The following NPM1 variants were observed in gnomAD, a reference collection of about 807,000 sequenced individuals.
The protein encoded by NPM1 is nucleophosmin 1, also known as nucleophosmin.
A neutral mutation model predicts 44.1 loss-of-function variants in NPM1; 1 was observed. The observed-to-expected ratio is 0.02, with a 90% CI of 0.01 to 0.11. The LOEUF (loss-of-function observed/expected upper bound fraction) is 0.11, where lower values mean the gene tolerates loss of function less well. Ranked by LOEUF, NPM1 falls within the 10% of genes least tolerant of loss-of-function variation. NPM1 has a pLI of 1.00. For missense variants in NPM1, 197 were observed against 347.8 expected, an observed-to-expected ratio of 0.57 and a Z score of 3.45; for synonymous variants, 126 against 111.8, an observed-to-expected ratio of 1.13 and a Z score of -0.80.
chr5:171,395,698 G>A (rs1328787166), intron 6 of NPM1, among the ~76,000 whole-genome samples: 4 of 152,204 alleles, frequency 2.6e-5, no homozygotes, highest in Non-Finnish European at 4.4e-5. Context: ...AGATGGCAAT[G>A]AAAATGCAAA....
Position 171,392,998 on chromosome 5 carries a change from C to G in NPM1, c.524+20C>G, listed in dbSNP as rs756702793. 1.2e-6 allele frequency: 2 copies of G among 1,603,132 alleles called. No individual in the cohort carries two copies. Among genetic ancestry groups the G allele is most frequent in the Non-Finnish European group, 1.7e-6 (2 of 1,172,400 alleles). On this transcript the variant is annotated intron_variant, in intron 6 of 10. Transcript: ENST00000296930. ...TGAAGAGTAAGTATGATTTTAGAAA[C>G]TTGATATACTTCCGGAATCTTGACA... is the stretch of plus-strand genomic sequence containing the variant.
intron 6 of NPM1, among the ~76,000 whole-genome samples, chr5:171,394,036 G>GTT (rs1214027227): frequency 9.7e-6 from 1 of 102,680 alleles, no homozygotes; most frequent in Non-Finnish European, 2.0e-5. Flanking sequence ...TGCTGTTTTT[G>GTT]TTTTCTTTTT....
rs1476856200 is a variant in NPM1, at chr5:171,392,978, A to G, written c.524A>G (p.Asp175Gly). 6.2e-7 allele frequency: 1 copy of G among 1,609,360 alleles called. No homozygotes were observed. Among genetic ancestry groups the G allele is most frequent in the Non-Finnish European group, 8.5e-7 (1 of 1,176,158 alleles). ...DDDDEEDDDE[D>G]DDDDDFDDEE... ...GATGATGAAGAGGATGATGATGAAG[A>G]GTAAGTATGATTTTAGAAACTTGAT... The change falls in exon 6 of 11, where the codon GAT becomes GGT. Residue 175 changes from aspartate to glycine, a missense_variant and splice_region_variant. Transcript: ENST00000296930.
Position 171,391,119 on chromosome 5 carries a change from G to C in NPM1, c.139-186G>C, listed in dbSNP as rs563402678. ...GTTTGTAGCCTAGGTGTGTGTAGTA[G>C]GCTATACCATCTAGGTTTGTATAAG... On this transcript the variant is annotated intron_variant, in intron 2 of 10. Transcript: ENST00000296930. 2.7e-5 allele frequency: 17 copies of C among 623,232 alleles called. No individual in the cohort carries two copies. The African/African-American group carries it at 2.8e-4, about 10-fold the overall frequency. 38.6% of individuals were successfully genotyped at this position (623,232 alleles called of 1,614,324 possible). A position where few individuals can be genotyped will look rare whatever the true frequency, so the allele number is the denominator to read the frequency against.
intron 6 of NPM1, among the ~76,000 whole-genome samples, chr5:171,398,720 T>G (rs1244018452): frequency 6.6e-6 from 1 of 152,144 alleles, no homozygotes; most frequent in Non-Finnish European, 1.5e-5. Flanking sequence ...TGCAGTGATC[T>G]GAGATTGCAC....
At chr5:171,400,732 C>T (rs1299757503) in intron 7 of NPM1, 107 bp from the exon 8 acceptor site, 1 of 715,320 alleles carries the variant, frequency 1.4e-6, no homozygotes, top group African/African-American at 1.8e-5. Flanking sequence ...AGGCATGAGC[C>T]ACCACGCCAA....
In NPM1 at chr5:171,392,949, C is replaced by CGAT. The variant is rs751654967; in HGVS notation, c.504_506dup (p.Asp168dup). On this transcript the variant is annotated inframe_insertion, in exon 6 of 11. Transcript: ENST00000296930. Reference sequence around the variant, plus strand: ...AACTTGCTGCTGATGAAGATGATGACGATGATGATGAAGAGGATGATGATG... The same window carrying CGAT: ...AACTTGCTGCTGATGAAGATGATGACGATGATGATGATGAAGAGGATGATGATG... 10 of 1,607,566 alleles carry CGAT rather than the reference C, an allele frequency of 6.2e-6. No individual in the cohort carries two copies. Among genetic ancestry groups the CGAT allele is most frequent in the Non-Finnish European group, 8.5e-6 (10 of 1,174,642 alleles).
chr5:171,394,041 C>CTTTTTTTTTTTTTTTTTTTTT (rs144186175), intron 6 of NPM1, among the ~76,000 whole-genome samples: 1 of 97,080 alleles, frequency 1.0e-5, no homozygotes, highest in Non-Finnish European at 2.1e-5. Flanking sequence ...TTTTTGTTTT[C>CTTTTTTTTTTTTTTTTTTTTT]TTTTTTTTTT....
chr5:171,402,809 G>C (rs2113248796), intron 8 of NPM1, among the ~76,000 whole-genome samples: 1 of 144,766 alleles, frequency 6.9e-6, no homozygotes, highest in Non-Finnish European at 1.5e-5. Context: ...CTGCTGCCAT[G>C]TAAGATGTGC....
intron 6 of NPM1, among the ~76,000 whole-genome samples, chr5:171,395,327 C>G (rs1288618702): frequency 1.3e-5 from 2 of 150,606 alleles, no homozygotes; most frequent in Non-Finnish European, 2.9e-5. Flanking sequence ...TTCGGCAAGT[C>G]TCGCTCTTGT....
At chr5:171,400,456 CTTCCTTTTT>C (rs1466770082) in intron 7 of NPM1, among the ~76,000 whole-genome samples, 1 of 139,578 alleles carries the variant, frequency 7.2e-6, no homozygotes, top group African/African-American at 2.7e-5. Context: ...CTGCTTTTTC[CTTCCTTTTT>C]TTTTTTTTTT....
chr5:171,404,006 G>C (rs1469714195), intron 8 of NPM1, among the ~76,000 whole-genome samples: 4 of 75,734 alleles, frequency 5.3e-5, no homozygotes, highest in Non-Finnish European at 8.1e-5. Flanking sequence ...CGGGCTGAGG[G>C]GCTCCTCACT....
rs555914413 is a variant in NPM1, at chr5:171,407,796, A to G, written c.846+22A>G. ...AGAGGTAACTGGATTTTCTGGGGAC[A>G]TGATTAAATCCAAGTTTTTTTGTGA... On this transcript the variant is annotated intron_variant, in intron 10 of 10. Transcript: ENST00000296930. 4 of 1,484,706 alleles carry G rather than the reference A, an allele frequency of 2.7e-6. No individual in the cohort carries two copies. The highest frequency in any genetic ancestry group is 2.8e-6 in the Non-Finnish European group (3 of 1,064,602). 92.0% of individuals were successfully genotyped at this position (1,484,706 alleles called of 1,614,324 possible).
In NPM1 at chr5:171,387,867, C is replaced by T. The variant is rs1177514679; in HGVS notation, c.-82C>T. 3 of 1,297,352 alleles carry T rather than the reference C, an allele frequency of 2.3e-6. No homozygotes were observed. Among genetic ancestry groups the T allele is most frequent in the South Asian group, 1.2e-5 (1 of 83,470 alleles). 80.4% of individuals were successfully genotyped at this position (1,297,352 alleles called of 1,614,324 possible). ...CTGCGTCCTTTCCCTGGTGTGATTC[C>T]GTCCTGCGCGGTTGTTCTCTGGAGC... On this transcript the variant is annotated 5_prime_UTR_variant, in exon 1 of 11. Coordinates refer to ENST00000296930, the MANE Select transcript of NPM1 (RefSeq NM_002520.7).
At chr5:171,395,554 A>G (rs1485307207) in intron 6 of NPM1, among the ~76,000 whole-genome samples, 1 of 152,208 alleles carries the variant, frequency 6.6e-6, no homozygotes, top group Non-Finnish European at 1.5e-5. Context: ...GGCGTGAGCC[A>G]CCATGCACCG....
intron 9 of NPM1, chr5:171,406,927 T>C: frequency 6.1e-6 from 1 of 165,234 alleles, no homozygotes; most frequent in Non-Finnish European, 1.3e-5. Flanking sequence ...TAAAAACAAA[T>C]ATATTCAATG....
rs1418904985 is a variant in NPM1 at position 171,403,955 on chromosome 5, G to T, written c.670-1347G>T. 1.3e-4 allele frequency among the ~76,000 whole-genome samples: 10 copies of T among 78,262 alleles called. 2 individuals are homozygous for T. The East Asian group carries it at 4.6e-3, about 36-fold the overall frequency. 51.3% of individuals were successfully genotyped at this position (78,262 alleles called of 152,430 possible). On this transcript the variant is annotated intron_variant, in intron 8 of 10. Transcript: ENST00000296930. Reference sequence around the variant, plus strand: ...TCCCGGACGGGGCGGCTGGCCGGGTGGGGGGGCTGACCCCCCCATCTCCCG... The same window carrying T: ...TCCCGGACGGGGCGGCTGGCCGGGTTGGGGGGCTGACCCCCCCATCTCCCG...
chr5:171,407,567 A>G (rs1207741989), intron 9 of NPM1, 133 bp from the exon 10 acceptor site: 5 of 668,298 alleles, frequency 7.5e-6, no homozygotes, highest in Middle Eastern at 3.9e-4. Flanking sequence ...GATACGGAGT[A>G]TTCTTGGAAA....
intron 1 of NPM1, among the ~76,000 whole-genome samples, chr5:171,389,720 C>T (rs1770473775): frequency 6.6e-6 from 1 of 152,146 alleles, no homozygotes; most frequent in Non-Finnish European, 1.5e-5. Flanking sequence ...TAGTGGGAAA[C>T]TTAACATTGG....
Sources: allele counts gnomAD v4.1 joint callset (sites outside exome capture counted in the v4.1 genomes callset), GRCh38; gene constraint gnomAD v4.1.1; transcripts MANE v1.5; gene names NCBI Gene and HGNC (gene_info 2026-07-23, HGNC 2026-07-21).